The following MRPL30 variants were observed in gnomAD, a reference collection of about 807,000 sequenced individuals.
MRPL30 encodes the protein mitochondrial ribosomal protein L30.
Under a neutral mutation model 17.2 loss-of-function variants are expected in MRPL30, and 10 were observed. The ratio of observed to expected loss-of-function variants is 0.58; its 90% CI spans 0.36 to 0.99. The LOEUF is 0.99. MRPL30 is among the 50% of genes least tolerant of loss of function. MRPL30 has a pLI of 0.01. For missense variants in MRPL30, 170 were observed against 189.8 expected (o/e 0.90, Z 0.61); for synonymous variants, 61 against 62.1 (o/e 0.98, Z 0.08).
chr2:99,198,765 C>T lies in MRPL30; in HGVS notation c.*3060C>T, dbSNP rs1179617468. Among the ~76,000 whole-genome samples, 2 of 152,174 alleles carry T rather than the reference C, an allele frequency of 1.3e-5. No individual in the cohort carries two copies. Among genetic ancestry groups the T allele is most frequent in the African/African-American group, 4.8e-5 (2 of 41,446 alleles). ...TTGTTCCTCGGTCTTGACTTTGTGT[C>T]TTTGAGGATTGCTTTGTTTAGTGTC... On this transcript the variant is annotated 3_prime_UTR_variant, in exon 6 of 6. Coordinates refer to ENST00000338148, the MANE Select transcript of MRPL30 (RefSeq NM_145212.4).
At chr2:99,195,068 T>C (rs1428444096) in intron 4 of MRPL30, 48 bp from the exon 5 acceptor site, 1 of 1,488,546 alleles carries the variant, frequency 6.7e-7, no homozygotes, top group African/African-American at 1.4e-5. Context: ...AACATGGAAC[T>C]ATCTGCTTTT....
chr2:99,194,093 A>T (rs1189276378), intron 3 of MRPL30, among the ~76,000 whole-genome samples: 1 of 151,918 alleles, frequency 6.6e-6, no homozygotes, highest in Admixed American at 6.6e-5. Flanking sequence ...TTTTATTATT[A>T]ATCATTTTAT....
Position 99,195,509 on chromosome 2 carries a change from C to G in MRPL30, c.354-64C>G, listed in dbSNP as rs540748571. 154 of 1,515,186 alleles carry G rather than the reference C, an allele frequency of 1.0e-4. No homozygotes were observed. In the South Asian group the frequency reaches 1.8e-3, roughly 18 times the overall value. 93.9% of individuals were successfully genotyped at this position (1,515,186 alleles called of 1,614,324 possible). A position where few individuals can be genotyped will look rare whatever the true frequency, so the allele number is the denominator to read the frequency against. On this transcript the variant is annotated intron_variant, in intron 5 of 5. Transcript: ENST00000338148. ...ATGTGTTATTGTTAACTGTAGTTAT[C>G]CTGCGGGGATATAGAACGCTAGAAC...
rs2105252818 is a variant in MRPL30 at position 99,199,209 on chromosome 2, CT to C, written c.*3509del. 6.6e-6 allele frequency among the ~76,000 whole-genome samples: 1 copy of C among 152,276 alleles called. No homozygotes were observed. Among genetic ancestry groups the C allele is most frequent in the South Asian group, 2.1e-4 (1 of 4,830 alleles). The stretch of plus-strand genomic sequence containing the variant: ...TACTTTGAGAATTAATAAGGACTAG[CT>C]TTTTGATCACACAGCTTGATAAAAT... On this transcript the variant is annotated 3_prime_UTR_variant, in exon 6 of 6. Coordinates refer to ENST00000338148, the MANE Select transcript of MRPL30 (RefSeq NM_145212.4).
At chr2:99,182,684 T>C (rs1446662601) in intron 1 of MRPL30, among the ~76,000 whole-genome samples, 2 of 152,400 alleles carry the variant, frequency 1.3e-5, no homozygotes, top group African/African-American at 2.4e-5. Context: ...AGCGAGACTC[T>C]GTCTCTAAAA....
In MRPL30 at chr2:99,186,118, G is replaced by A. The variant is rs1030046568; in HGVS notation, c.-27-59G>A. The A allele has an allele frequency of 1.2e-5, 14 of 1,190,344 alleles. 1 individual carries two copies. The South Asian group carries it at 1.7e-4, about 15-fold the overall frequency. 73.7% of individuals were successfully genotyped at this position (1,190,344 alleles called of 1,614,324 possible). A position where few individuals can be genotyped will look rare whatever the true frequency, so the allele number is the denominator to read the frequency against. ...TTAGTTTTTTAATACTAGAGAAGGGGAAACCTGTTCATTTCCAAGACATAG... is the reference window on the plus strand; with the variant it reads ...TTAGTTTTTTAATACTAGAGAAGGGAAAACCTGTTCATTTCCAAGACATAG... On this transcript the variant is annotated intron_variant, in intron 1 of 5. Transcript: ENST00000338148.
rs1292247498 is a variant in MRPL30 at position 99,198,286 on chromosome 2, G to A, written c.*2581G>A. Among the ~76,000 whole-genome samples, 1 of 152,180 alleles carries A rather than the reference G, an allele frequency of 6.6e-6. No homozygotes were observed. The highest frequency in any genetic ancestry group is 1.5e-5 in the Non-Finnish European group (1 of 68,042). Reference sequence around the variant, plus strand: ...TGGGTAGTCTGTTTAGGATCTCAGTGCTGGAAAAACGTGTCTGGCCAGGTG... The same window carrying A: ...TGGGTAGTCTGTTTAGGATCTCAGTACTGGAAAAACGTGTCTGGCCAGGTG... On this transcript the variant is annotated 3_prime_UTR_variant, in exon 6 of 6. Transcript: ENST00000338148.
At chr2:99,192,305 C>T (rs2093947943) in intron 3 of MRPL30, among the ~76,000 whole-genome samples, 1 of 152,048 alleles carries the variant, frequency 6.6e-6, no homozygotes. Flanking sequence ...TTCCGGTATA[C>T]ACGTGCAGAT....
rs1488109769 is a variant in MRPL30, at chr2:99,198,713, A to G, written c.*3008A>G. ...TCAGATTGGCATTCCTTTGCCTCAT[A>G]TCATCACTTCAAAACCCTATAAGGG... On this transcript the variant is annotated 3_prime_UTR_variant, in exon 6 of 6. Coordinates refer to ENST00000338148, the MANE Select transcript of MRPL30 (RefSeq NM_145212.4). 1.3e-5 allele frequency among the ~76,000 whole-genome samples: 2 copies of G among 152,164 alleles called. No homozygotes were observed. Among genetic ancestry groups the G allele is most frequent in the Non-Finnish European group, 2.9e-5 (2 of 68,038 alleles).
Position 99,198,651 on chromosome 2 carries a change from A to G in MRPL30, c.*2946A>G, listed in dbSNP as rs1208889271. Among the ~76,000 whole-genome samples, 1 of 152,102 alleles carries G rather than the reference A, an allele frequency of 6.6e-6. No individual in the cohort carries two copies. Among genetic ancestry groups the G allele is most frequent in the East Asian group, 1.9e-4 (1 of 5,186 alleles). On this transcript the variant is annotated 3_prime_UTR_variant, in exon 6 of 6. Coordinates refer to ENST00000338148, the MANE Select transcript of MRPL30 (RefSeq NM_145212.4). The stretch of plus-strand genomic sequence containing the variant: ...GCCAAACCTGAAAAGTCAATCCTGG[A>G]CCTTATCATAGTGGCTGTATAGTTT...
intron 3 of MRPL30, among the ~76,000 whole-genome samples, chr2:99,191,789 G>A (rs567278208): frequency 2.0e-5 from 3 of 152,148 alleles, no homozygotes; most frequent in East Asian, 3.9e-4. Flanking sequence ...TATCCCCAGC[G>A]GTAATTTCTA....
intron 1 of MRPL30, among the ~76,000 whole-genome samples, chr2:99,182,747 C>A (rs1315363148): frequency 6.6e-6 from 1 of 152,146 alleles, no homozygotes; most frequent in Non-Finnish European, 1.5e-5. Context: ...ATTTAAACTT[C>A]AGTTATTCTG....
rs556561520 is a variant in MRPL30, at chr2:99,195,391, C to T, written c.354-182C>T. On this transcript the variant is annotated intron_variant, in intron 5 of 5. Coordinates refer to ENST00000338148, the MANE Select transcript of MRPL30 (RefSeq NM_145212.4). Reference sequence around the variant, plus strand: ...TCAATATATATAAAGTATAGTGATCCGATCAGGGTAATTGGCATATCCATC... The same window carrying T: ...TCAATATATATAAAGTATAGTGATCTGATCAGGGTAATTGGCATATCCATC... 41 of 785,888 alleles carry T rather than the reference C, an allele frequency of 5.2e-5. No homozygotes were observed. The African/African-American group carries it at 6.4e-4, about 12-fold the overall frequency. The allele number at this position is 785,888 out of a possible 1,614,324, so 48.7% of individuals were successfully genotyped here.
chr2:99,183,211 G>C (rs187797299), intron 1 of MRPL30, among the ~76,000 whole-genome samples: 2 of 152,272 alleles, frequency 1.3e-5, no homozygotes, highest in Admixed American at 6.5e-5. Context: ...AGAGTAATTG[G>C]AGATGGAGTC....
intron 3 of MRPL30, among the ~76,000 whole-genome samples, chr2:99,194,220 C>G (rs1471408887): frequency 1.3e-5 from 2 of 152,022 alleles, no homozygotes; most frequent in Non-Finnish European, 2.9e-5. Context: ...ATTTTGTATA[C>G]TTAGAGGAGT....
chr2:99,189,672 A>G (rs958222887), intron 3 of MRPL30, among the ~76,000 whole-genome samples: 1 of 152,212 alleles, frequency 6.6e-6, no homozygotes, highest in African/African-American at 2.4e-5. Context: ...TAATTGCTGG[A>G]TTGTATGGTA....
At chr2:99,185,535 T>G (rs1298395626) in intron 1 of MRPL30, among the ~76,000 whole-genome samples, 1 of 152,228 alleles carries the variant, frequency 6.6e-6, no homozygotes, top group Non-Finnish European at 1.5e-5. Flanking sequence ...AGGCTACAGT[T>G]GTTTTGTGTG....
rs10865030 is a variant in MRPL30 at position 99,188,179 on chromosome 2, T to G, written c.54T>G (p.Thr18=). Residue 18 remains threonine (T), a splice_region_variant and synonymous_variant, in exon 3 of 6, where the codon ACT becomes ACG. Transcript: ENST00000338148. ...AAATGATTTATATCATATTTTAGACTGTGACAAAAGGTGTGGAGTCTCTTA... is the reference window on the plus strand; with the variant it reads ...AAATGATTTATATCATATTTTAGACGGTGACAAAAGGTGTGGAGTCTCTTA... ...VVQWPPGRLQ[T]VTKGVESLIC... 2.5e-6 allele frequency: 4 copies of G among 1,586,102 alleles called. No individual in the cohort carries two copies. Among genetic ancestry groups the G allele is most frequent in the Non-Finnish European group, 3.4e-6 (4 of 1,167,916 alleles).
intron 5 of MRPL30, 106 bp downstream of exon 5, chr2:99,195,295 A>C (rs1370761230): frequency 8.9e-7 from 1 of 1,119,612 alleles, no homozygotes; most frequent in Non-Finnish European, 1.3e-6. Flanking sequence ...TTAAAAAACT[A>C]AAATTTTATT....
Sources: gnomAD v4.1 joint callset for allele counts (sites outside exome capture counted in the v4.1 genomes callset) on GRCh38, gnomAD v4.1.1 for gene constraint, MANE v1.5 for transcripts, NCBI Gene and HGNC (gene_info 2026-07-23, HGNC 2026-07-21) for gene names.